The following MACF1 variants were observed in gnomAD, a reference collection of about 807,000 sequenced individuals.
The protein encoded by MACF1 is microtubule-actin cross-linking factor 1.
In MACF1, 193 loss-of-function variants were observed where a neutral mutation model predicts 854.8. The observed-to-expected ratio is 0.23, with a 90% confidence interval of 0.20 to 0.25. The LOEUF (loss-of-function observed/expected upper bound fraction) is 0.25, where lower values mean the gene tolerates loss of function less well. Ranked by LOEUF, MACF1 falls within the 10% of genes least tolerant of loss-of-function variation. MACF1 has a pLI of 1.00. For synonymous variants in MACF1, 3,185 were observed against 3,226.7 expected (o/e 0.99, Z 0.44); for missense variants, 7,722 against 8,929.1 (o/e 0.86, Z 5.45).
At chr1:39,221,191 TTCTTTA>T (rs904283246) in intron 1 of MACF1, among the ~76,000 whole-genome samples, 2 of 152,018 alleles carry the variant, frequency 1.3e-5, no homozygotes, top group African/African-American at 4.8e-5. Context: ...CAGAGACCAG[TTCTTTA>T]TCTTCTTGAA....
intron 2 of MACF1, among the ~76,000 whole-genome samples, chr1:39,091,677 G>A (rs1006702253): frequency 1.3e-5 from 2 of 152,044 alleles, no homozygotes; most frequent in African/African-American, 4.8e-5. Context: ...TGTATTTTTA[G>A]TAGAGACCCA....
At chr1:39,185,927 G>GC (rs1356876771) in intron 2 of MACF1, among the ~76,000 whole-genome samples, 6 of 152,074 alleles carry the variant, frequency 3.9e-5, no homozygotes, top group Admixed American at 1.3e-4. Flanking sequence ...TGATTTGGGA[G>GC]CCCCCTGAGG....
chr1:39,468,876 A>G (rs893751662), intron 96 of MACF1, 144 bp downstream of exon 96: 1 of 724,330 alleles, frequency 1.4e-6, no homozygotes, highest in Non-Finnish European at 2.3e-6. Context: ...AGCACAGATT[A>G]GAACTCAGGG....
At chr1:39,244,839 A>G (rs1448114151) in intron 2 of MACF1, among the ~76,000 whole-genome samples, 1 of 152,100 alleles carries the variant, frequency 6.6e-6, no homozygotes, top group Non-Finnish European at 1.5e-5. Context: ...TCGGCTTCCC[A>G]AAGTGCTGGG....
rs144945460 is a variant in MACF1, at chr1:39,484,709, G to C, written c.22390G>C (p.Gly7464Arg). 5.3e-5 allele frequency: 86 copies of C among 1,614,024 alleles called. No homozygotes were observed. Among genetic ancestry groups the C allele is most frequent in the Non-Finnish European group, 7.0e-5 (83 of 1,180,014 alleles). ...TSNSSSPAST[G>R]AKTNRADPKK... ...CAATAGTTCTTCCCCGGCCTCCACA[G>C]GTGCCAAAACTAATCGGGCAGGTAA... Residue 7464 changes from glycine to arginine, a missense_variant, in exon 100 of 101, where the codon GGT (glycine) becomes CGT (arginine). Physicochemically the swap from Gly to Arg is moderately radical, Grantham distance 125 (BLOSUM62 -2). This residue lies in a region of MACF1 where 185 missense variants were observed against 225.7 expected (regional missense o/e 0.82). Coordinates refer to ENST00000564288, the MANE Select transcript of MACF1 (RefSeq NM_001394062.1).
intron 80 of MACF1, among the ~76,000 whole-genome samples, chr1:39,446,417 A>AT (rs1315893166): frequency 4.0e-5 from 6 of 151,816 alleles, no homozygotes; most frequent in Non-Finnish European, 8.8e-5. Context: ...ATTTCTATAT[A>AT]TATTTGAAGT....
At chr1:39,431,209 T>G (rs1420170816) in intron 66 of MACF1, among the ~76,000 whole-genome samples, 1 of 152,204 alleles carries the variant, frequency 6.6e-6, no homozygotes, top group East Asian at 1.9e-4. Flanking sequence ...AGATAATATC[T>G]AGATTCAAAA....
intron 6 of MACF1, chr1:39,269,531 T>G: frequency 7.8e-7 from 1 of 1,289,608 alleles, no homozygotes; most frequent in Non-Finnish European, 1.0e-6. Flanking sequence ...CTTCTCAGAG[T>G]GATTTGTCCA....
At chr1:39,241,534 C>T (rs1000875820) in intron 2 of MACF1, among the ~76,000 whole-genome samples, 1 of 151,828 alleles carries the variant, frequency 6.6e-6, no homozygotes, top group Non-Finnish European at 1.5e-5. Flanking sequence ...GTGATGCATG[C>T]CTGTAATACC....
At chr1:39,411,848 C>G in intron 58 of MACF1, 1 of 1,613,744 alleles carries the variant, frequency 6.2e-7, no homozygotes, top group Non-Finnish European at 8.5e-7. Context: ...CATGTAAGGG[C>G]AAAAGATTAT....
chr1:39,231,737 G>T (rs1384189225), intron 2 of MACF1, among the ~76,000 whole-genome samples: 2 of 151,230 alleles, frequency 1.3e-5, no homozygotes, highest in African/African-American at 4.9e-5. Flanking sequence ...TAGACACAGG[G>T]TCTCACTATG....
chr1:39,316,063 C>G (rs1201344487), intron 27 of MACF1, among the ~76,000 whole-genome samples: 1 of 152,202 alleles, frequency 6.6e-6, no homozygotes, highest in East Asian at 1.9e-4. Context: ...CTTCCCTCTT[C>G]CCACCCATCT....
chr1:39,340,737 C>T lies in MACF1; in HGVS notation c.10431+20C>T, dbSNP rs776859007. Reference sequence around the variant, plus strand: ...GAAAAGGTAGCATTTTGCTTTTATTCATAAAGGCTCACAAAGTCTGGGTGG... The same window carrying T: ...GAAAAGGTAGCATTTTGCTTTTATTTATAAAGGCTCACAAAGTCTGGGTGG... On this transcript the variant is annotated intron_variant, in intron 39 of 100. Transcript: ENST00000564288. 2 of 1,612,932 alleles carry T rather than the reference C, an allele frequency of 1.2e-6. No individual in the cohort carries two copies. The highest frequency in any genetic ancestry group is 1.7e-6 in the Non-Finnish European group (2 of 1,179,358).
chr1:39,250,448 A>G (rs1270561629), intron 3 of MACF1, among the ~76,000 whole-genome samples: 1 of 151,906 alleles, frequency 6.6e-6, no homozygotes, highest in Non-Finnish European at 1.5e-5. Context: ...AATTAGGTGT[A>G]TTTTTCTTCC....
intron 58 of MACF1, chr1:39,412,592 G>T: frequency 6.2e-7 from 1 of 1,614,024 alleles, no homozygotes; most frequent in East Asian, 2.2e-5. Context: ...AATCCAGATG[G>T]AGTGGAAACT....
rs142489702 is a variant in MACF1 at position 39,340,779 on chromosome 1, A to G, written c.10432-25A>G. Reference sequence around the variant, plus strand: ...TCTGGGTGGCTGGGAGATTTTCATAATGTGATTTTCCATTTATTTCTTAGA... The same window carrying G: ...TCTGGGTGGCTGGGAGATTTTCATAGTGTGATTTTCCATTTATTTCTTAGA... On this transcript the variant is annotated intron_variant, in intron 39 of 100. Coordinates refer to ENST00000564288, the MANE Select transcript of MACF1 (RefSeq NM_001394062.1). 680 of 1,612,064 alleles carry G rather than the reference A, an allele frequency of 4.2e-4. 12 individuals carry two copies. The East Asian group carries it at 0.015, about 35-fold the overall frequency.
In MACF1 at chr1:39,332,470, A is replaced by G. The variant is rs1188482808; in HGVS notation, c.5882A>G (p.Glu1961Gly). Residue 1961 changes from glutamate to glycine, a missense_variant, in exon 37 of 101, where the codon GAG becomes GGG. Around this residue, in one of 15 missense-constraint regions of MACF1, gnomAD observed 1,531 missense variants for 1,601.6 expected, o/e 0.96. Transcript: ENST00000564288. ...SHPKATASQS[E>G]NLLFQLMTHS... Reference sequence around the variant, plus strand: ...CCTAAGGCCACAGCAAGCCAGAGTGAGAATCTGTTGTTCCAGCTGATGACT... The same window carrying G: ...CCTAAGGCCACAGCAAGCCAGAGTGGGAATCTGTTGTTCCAGCTGATGACT... 6.2e-7 allele frequency: 1 copy of G among 1,613,954 alleles called. No homozygotes were observed. Among genetic ancestry groups the G allele is most frequent in the Non-Finnish European group, 8.5e-7 (1 of 1,180,030 alleles).
At chr1:39,406,734 C>G (rs1642716514) in intron 58 of MACF1, among the ~76,000 whole-genome samples, 1 of 43,080 alleles carries the variant, frequency 2.3e-5, no homozygotes, top group Non-Finnish European at 3.6e-5. Flanking sequence ...GACAGAGTCT[C>G]ACTCAAAAAA....
At chr1:39,298,575 T>C (rs1258574253) in intron 21 of MACF1, 5 of 391,630 alleles carry the variant, frequency 1.3e-5, no homozygotes, top group Non-Finnish European at 9.9e-6. Context: ...AGAACTAGAA[T>C]AACCCAAAAC....
Sources: gnomAD v4.1 joint callset for allele counts (sites outside exome capture counted in the v4.1 genomes callset) on GRCh38, gnomAD v4.1.1 for gene constraint, gnomAD v4.1.1 regional missense constraint, MANE v1.5 for transcripts, NCBI Gene and HGNC (gene_info 2026-07-23, HGNC 2026-07-21) for gene names.